TTN: variants seen among roughly 807,000 people sequenced by gnomAD.
The protein encoded by TTN is connectin.
Under a neutral mutation model 3,223.0 loss-of-function variants are expected in TTN, and 1,525 were observed. The observed-to-expected ratio is 0.47, with a 90% CI of 0.45 to 0.49. The LOEUF (loss-of-function observed/expected upper bound fraction) is 0.49, where lower values mean the gene tolerates loss of function less well. Ranked by LOEUF, TTN falls within the 20% of genes least tolerant of loss-of-function variation. The probability of loss-of-function intolerance (pLI) is 0.00; values close to 1 mark genes in which losing one functional copy is unlikely to be tolerated. For synonymous variants in TTN, 14,094 were observed against 15,161.0 expected, an observed-to-expected ratio of 0.93 and a Z score of 5.17; for missense variants, 40,786 against 43,424.0, an observed-to-expected ratio of 0.94 and a Z score of 5.40.
Position 178,646,507 on chromosome 2 carries a change from C to CT in TTN, c.40274dup (p.Pro13426AlafsTer2). Reference sequence around the variant, plus strand: ...TACCTTTTACTGGTATTTCTTCAGGCTGTGGTTCAGGTTCGGGCTCTTCAG... The same window carrying CT: ...TACCTTTTACTGGTATTTCTTCAGGCTTGTGGTTCAGGTTCGGGCTCTTCAG... On this transcript the variant is annotated frameshift_variant, in exon 216 of 363. Transcript: ENST00000589042. LOFTEE classifies it high-confidence loss of function. The CT allele has an allele frequency of 6.5e-7, 1 of 1,547,706 alleles. No homozygotes were observed. Among genetic ancestry groups the CT allele is most frequent in the Non-Finnish European group, 8.7e-7 (1 of 1,145,038 alleles).
chr2:178,529,879 G>A, intron 359 of TTN, 81 bp downstream of exon 359: 2 of 1,381,024 alleles, frequency 1.4e-6, no homozygotes, highest in Admixed American at 4.9e-5. Context: ...TCTTGTATGT[G>A]TATATAAGGG....
In TTN at chr2:178,601,156, G is replaced by A. The variant is rs1559684715; in HGVS notation, c.55748C>T (p.Pro18583Leu). 1 of 1,528,358 alleles carries A rather than the reference G, an allele frequency of 6.5e-7. No individual in the cohort carries two copies. The highest frequency in any genetic ancestry group is 1.3e-5 in the South Asian group (1 of 74,926). 94.7% of individuals were successfully genotyped at this position (1,528,358 alleles called of 1,614,324 possible). A position where few individuals can be genotyped will look rare whatever the true frequency, so the allele number is the denominator to read the frequency against. ...GATGAGGCCAATCTTGAGTTTAATA[G>A]GAGGATCAGGAGGATCTGTAAAAAT... ...ARDPIYPPDP[P>L]IKLKIGLITK... The change falls in exon 288 of 363, where the codon CCT (proline) becomes CTT (leucine). Residue 18583 changes from proline to leucine, a missense_variant. Coordinates refer to ENST00000589042, the MANE Select transcript of TTN (RefSeq NM_001267550.2).
chr2:178,744,894 GA>G (rs1363894053), intron 47 of TTN: 2 of 985,022 alleles, frequency 2.0e-6, no homozygotes, highest in East Asian at 1.1e-4. Flanking sequence ...ATGTCTAGGT[GA>G]ACCCTGCCCA....
chr2:178,692,220 T>C, intron 120 of TTN, 121 bp from the exon 121 acceptor site: 2 of 951,586 alleles, frequency 2.1e-6, no homozygotes, highest in East Asian at 2.6e-5. Context: ...AATTTAAATA[T>C]GCCTACTTGT....
rs754841763 is a variant in TTN, at chr2:178,617,875, C to T, written c.47476G>A (p.Gly15826Arg). ...LSATVTDVVE[G>R]QEYSFRVRAQ... is the part of the protein sequence containing the mutation. ...CTCACTCGGAAACTGTACTCCTGTC[C>T]TTCTACCACATCAGTAACAGTTGCA... Residue 15826 changes from glycine to arginine, a missense_variant, in exon 253 of 363, where the codon GGA (glycine) becomes AGA (arginine). By Grantham distance (125) the Gly-to-Arg change is moderately radical. Transcript: ENST00000589042. 6.2e-7 allele frequency: 1 copy of T among 1,612,636 alleles called. No individual in the cohort carries two copies. The highest frequency in any genetic ancestry group is 1.1e-5 in the South Asian group (1 of 91,050).
intron 47 of TTN, chr2:178,748,299 C>A: frequency 6.2e-7 from 1 of 1,612,682 alleles, no homozygotes; most frequent in Non-Finnish European, 8.5e-7. Flanking sequence ...ACTTCTTTTT[C>A]TAAAGAAATG....
chr2:178,767,607 C>G lies in TTN; in HGVS notation c.9471+152G>C, dbSNP rs567870432. On this transcript the variant is annotated intron_variant, in intron 40 of 362. Transcript: ENST00000589042. ...GTGGAAACTGTGACTAAATTGAGGT[C>G]AGCATAAGAGAGTCTAAGCCAAGTA... is the stretch of plus-strand genomic sequence containing the variant. 7 of 1,066,712 alleles carry G rather than the reference C, an allele frequency of 6.6e-6. No individual in the cohort carries two copies. The East Asian group carries it at 1.8e-4, about 27-fold the overall frequency. 66.1% of individuals were successfully genotyped at this position (1,066,712 alleles called of 1,614,324 possible).
At chr2:178,600,699 A>G in intron 288 of TTN, 155 bp downstream of exon 288, 2 of 848,186 alleles carry the variant, frequency 2.4e-6, no homozygotes, top group Non-Finnish European at 3.9e-6. Flanking sequence ...GTGGAAATTG[A>G]AGGAATGAGT....
rs763871350 is a variant in TTN, at chr2:178,594,042, G to A, written c.58351C>T (p.Arg19451Cys). 4.3e-5 allele frequency: 69 copies of A among 1,613,368 alleles called. No homozygotes were observed. The highest frequency in any genetic ancestry group is 1.6e-4 in the Middle Eastern group (1 of 6,080). Reference protein sequence around the residue: ...TLALEKIKAKRSDSGKYCVVV... With the variant: ...TLALEKIKAKCSDSGKYCVVV... ...ACACAGTATTTGCCGGAATCTGAACGTTTGGCCTTGATCTTCTCTAAAGCA... is the reference window on the plus strand; with the variant it reads ...ACACAGTATTTGCCGGAATCTGAACATTTGGCCTTGATCTTCTCTAAAGCA... Residue 19451 changes from arginine to cysteine, a missense_variant, in exon 297 of 363, where the codon CGT becomes TGT. Coordinates refer to ENST00000589042, the MANE Select transcript of TTN (RefSeq NM_001267550.2).
At position 178,720,262 on chromosome 2, in the gene TTN, G is replaced by T; in HGVS notation, c.23380C>A (p.Pro7794Thr). 6.9e-6 allele frequency: 11 copies of T among 1,604,502 alleles called. No homozygotes were observed. Among genetic ancestry groups the T allele is most frequent in the Non-Finnish European group, 9.4e-6 (11 of 1,174,570 alleles). The change falls in exon 81 of 363, where the codon CCT (proline) becomes ACT (threonine). Residue 7794 changes from proline (P) to threonine (T), a missense_variant and splice_region_variant. Transcript: ENST00000589042. Reference sequence around the variant, plus strand: ...CTTAGCTTTTTCACGAATCGTGGAGGTTCTGATGAAAGAAATTTGTGGTTA... The same window carrying T: ...CTTAGCTTTTTCACGAATCGTGGAGTTTCTGATGAAAGAAATTTGTGGTTA... The part of the protein sequence containing the change: ...TCSCSVKFKE[P>T]PRFVKKLSDT...
At position 178,561,770 on chromosome 2, in the gene TTN, G is replaced by C. The variant is rs397517726; in HGVS notation, c.84362C>G (p.Thr28121Arg). The C allele has an allele frequency of 1.2e-6, 2 of 1,613,652 alleles. No individual in the cohort carries two copies. The highest frequency in any genetic ancestry group is 2.7e-5 in the African/African-American group (2 of 75,038). Residue 28121 changes from threonine to arginine, a missense_variant, in exon 326 of 363, where the codon ACA becomes AGA. Coordinates refer to ENST00000589042, the MANE Select transcript of TTN (RefSeq NM_001267550.2). ...RTSIKIVRLT[T>R]GSEYQFRVCA... ...AACACGGAACTGATACTCACTTCCTGTTGTCAGGCGAACTATTTTAATGGA... is the reference window on the plus strand; with the variant it reads ...AACACGGAACTGATACTCACTTCCTCTTGTCAGGCGAACTATTTTAATGGA...
rs747052899 is a variant in TTN, at chr2:178,567,543, G to C, written c.78589C>G (p.Pro26197Ala). The C allele has an allele frequency of 3.1e-6, 5 of 1,610,522 alleles. No homozygotes were observed. Among genetic ancestry groups the C allele is most frequent in the Middle Eastern group, 1.7e-4 (1 of 6,036 alleles). ...ACCACAATTGTGTCTCTGAATTTTG[G>C]ATCCATTGAAATTCTTGGGAGTTCA... The part of the protein sequence containing the change: ...EVELPRISMD[P>A]KFRDTIVVNA... The change falls in exon 326 of 363, where the codon CCA (proline) becomes GCA (alanine). Residue 26197 changes from proline (P) to alanine (A), a missense_variant. Transcript: ENST00000589042.
chr2:178,565,530 C>T lies in TTN; in HGVS notation c.80602G>A (p.Gly26868Ser). 3.1e-6 allele frequency: 5 copies of T among 1,613,448 alleles called. No individual in the cohort carries two copies. In the South Asian group the frequency reaches 4.4e-5, roughly 14 times the overall value. ...EKGKSDPRVLGVPVIAKDLTI... is the reference protein window; with the variant it reads ...EKGKSDPRVLSVPVIAKDLTI... ...AAGTCCTTGGCTATGACAGGAACACCCAACACTCTTGGATCGCTTTTTCCT... is the reference window on the plus strand; with the variant it reads ...AAGTCCTTGGCTATGACAGGAACACTCAACACTCTTGGATCGCTTTTTCCT... The change falls in exon 326 of 363, where the codon GGT (glycine) becomes AGT (serine). Residue 26868 changes from glycine (G) to serine (S), a missense_variant. Gly to Ser is a moderately conservative substitution (Grantham distance 56, BLOSUM62 0). Coordinates refer to ENST00000589042, the MANE Select transcript of TTN (RefSeq NM_001267550.2).
rs774238749 is a variant in TTN, at chr2:178,769,665, AT to A, written c.8902+13del. ...TATATATGTGTATATATATATATAT[AT>A]TTTTTAACTTACGGGTGACTGTCAG... On this transcript the variant is annotated intron_variant, in intron 37 of 362. Transcript: ENST00000589042. 7.0e-6 allele frequency: 7 copies of A among 994,290 alleles called. No homozygotes were observed. In the African/African-American group the frequency reaches 1.2e-4, roughly 18 times the overall value. The allele number at this position is 994,290 out of a possible 1,614,324, so 61.6% of individuals were successfully genotyped here. A position where few individuals can be genotyped will look rare whatever the true frequency, so the allele number is the denominator to read the frequency against.
At chr2:178,742,017 T>C in intron 47 of TTN, 96 bp from the exon 48 acceptor site, 1 of 932,278 alleles carries the variant, frequency 1.1e-6, no homozygotes, top group Non-Finnish European at 1.4e-6. Flanking sequence ...GGCCTTCTTC[T>C]GCTTTATTCC....
chr2:178,675,761 A>C lies in TTN; in HGVS notation c.34454-7T>G. On this transcript the variant is annotated splice_polypyrimidine_tract_variant and splice_region_variant and intron_variant, in intron 148 of 362. Coordinates refer to ENST00000589042, the MANE Select transcript of TTN (RefSeq NM_001267550.2). ...TTCTTAGGTACCACAGACACTTTAA[A>C]AATATTATTTTATTTTATAAGTTCA... 2 of 1,481,866 alleles carry C rather than the reference A, an allele frequency of 1.3e-6. No homozygotes were observed. The highest frequency in any genetic ancestry group is 1.8e-6 in the Non-Finnish European group (2 of 1,121,560). 91.8% of individuals were successfully genotyped at this position (1,481,866 alleles called of 1,614,324 possible).
At chr2:178,606,848 T>C (rs2055005245) in intron 278 of TTN, among the ~76,000 whole-genome samples, 173 bp downstream of exon 278, 2 of 151,972 alleles carry the variant, frequency 1.3e-5, no homozygotes, top group African/African-American at 4.8e-5. Context: ...ACATTGAAAT[T>C]ATAGGAAATA....
At position 178,757,705 on chromosome 2, in the gene TTN, A is replaced by T; in HGVS notation, c.10515T>A (p.Ile3505=). 1 of 1,613,830 alleles carries T rather than the reference A, an allele frequency of 6.2e-7. No individual in the cohort carries two copies. The highest frequency in any genetic ancestry group is 8.5e-7 in the Non-Finnish European group (1 of 1,179,772). The change falls in exon 45 of 363, where the codon ATT becomes ATA. Residue 3505 remains isoleucine, a synonymous_variant. Transcript: ENST00000589042. ...GGAAAACTACATCTTTTGTTGGTAG[A>T]ATTAGCTGCTGGTTATGAAACCATT... ...EIQWFHNQQL[I]LPTKDVVFHF... is the part of the protein sequence containing the mutation.
Position 178,527,075 on chromosome 2 carries a change from C to T in TTN, c.107913G>A (p.Leu35971=), listed in dbSNP as rs1323084443. Residue 35971 remains leucine (L), a synonymous_variant, in exon 363 of 363, where the codon CTG becomes CTA. Transcript: ENST00000589042. ...VQKQDGGLYT[L]SLGNEFGSDS... ...CAGATCCAAATTCATTCCCTAAACT[C>T]AGGGTATAAAGTCCACCATCTTGTT... is the stretch of plus-strand genomic sequence containing the variant. The T allele has an allele frequency of 6.2e-7, 1 of 1,613,786 alleles. No individual in the cohort carries two copies. The highest frequency in any genetic ancestry group is 8.5e-7 in the Non-Finnish European group (1 of 1,179,864).
Sources: allele counts gnomAD v4.1 joint callset (sites outside exome capture counted in the v4.1 genomes callset), GRCh38; gene constraint gnomAD v4.1.1; transcripts MANE v1.5; gene names NCBI Gene and HGNC (gene_info 2026-07-23, HGNC 2026-07-21).